ATP1A2: variants seen among roughly 807,000 people sequenced by gnomAD.
ATP1A2 encodes ATPase Na+/K+ transporting subunit alpha 2.
ATP1A2 carries 56 observed loss-of-function variants against 113.1 expected under a neutral mutation model. The observed-to-expected ratio is 0.49, with a 90% confidence interval of 0.40 to 0.62. The LOEUF is 0.62. ATP1A2 is among the 20% of genes least tolerant of loss of function. The pLI is 0.00. For missense variants in ATP1A2, 712 were observed against 1,357.8 expected (o/e 0.52, Z 7.47); for synonymous variants, 490 against 526.8 (o/e 0.93, Z 0.96).
In ATP1A2 at chr1:160,136,741, G is replaced by A. The variant is rs12083034; in HGVS notation, c.2709+26G>A. ...GTGAGTGGTGCTGTGTAAACACAGC[G>A]CACATGTGTGAAGGTACGGGAAGCT... On this transcript the variant is annotated intron_variant, in intron 19 of 22. Transcript: ENST00000361216. 120,208 of 1,614,110 alleles carry A rather than the reference G, an allele frequency of 0.074. 5,303 individuals are homozygous for A. Among genetic ancestry groups the A allele is most frequent in the African/African-American group, 0.18 (13,468 of 75,010 alleles).
chr1:160,121,570 A>G (rs1455700477), intron 3 of ATP1A2, among the ~76,000 whole-genome samples: 4 of 152,228 alleles, frequency 2.6e-5, no homozygotes, highest in Admixed American at 2.6e-4. Context: ...ACAGCCTTCC[A>G]CAGAGCTGAC....
In ATP1A2 at chr1:160,128,759, G is replaced by A. The variant is rs61734526; in HGVS notation, c.1125G>A (p.Lys375=). 5.5e-4 allele frequency: 890 copies of A among 1,614,194 alleles called. 2 individuals are homozygous for A. In the African/African-American group the frequency reaches 0.01, roughly 19 times the overall value. ...CCACGTCCACCATCTGCTCGGACAA[G>A]ACGGGCACCCTCACCCAGAACCGCA... ...LGSTSTICSD[K]TGTLTQNRMT... The change falls in exon 9 of 23, where the codon AAG becomes AAA. Residue 375 remains lysine (K), a synonymous_variant. Transcript: ENST00000361216.
rs1652182991 is a variant in ATP1A2 at position 160,142,494 on chromosome 1, CA to C, written c.*1174del. On this transcript the variant is annotated 3_prime_UTR_variant, in exon 23 of 23. Coordinates refer to ENST00000361216, the MANE Select transcript of ATP1A2 (RefSeq NM_000702.4). ...CATGAACATGGTCAGAACCTTTGGA[CA>C]AGAGGAAAAATACTAAGAGATTTGC... 1 of 152,144 alleles carries C rather than the reference CA, an allele frequency of 6.6e-6. No individual in the cohort carries two copies. Among genetic ancestry groups the C allele is most frequent in the Non-Finnish European group, 1.5e-5 (1 of 68,072 alleles). 9.4% of individuals were successfully genotyped at this position (152,144 alleles called of 1,614,324 possible). A position where few individuals can be genotyped will look rare whatever the true frequency, so the allele number is the denominator to read the frequency against.
intron 11 of ATP1A2, among the ~76,000 whole-genome samples, chr1:160,129,682 G>C (rs1651706840): frequency 6.6e-6 from 1 of 152,094 alleles, no homozygotes; most frequent in East Asian, 1.9e-4. Flanking sequence ...TTCTACCCCA[G>C]TCAGTGAAAC....
chr1:160,123,281 C>T lies in ATP1A2; in HGVS notation c.246C>T (p.Pro82=). The change falls in exon 4 of 23, where the codon CCC becomes CCT. Residue 82 remains proline, a synonymous_variant. Coordinates refer to ENST00000361216, the MANE Select transcript of ATP1A2 (RefSeq NM_000702.4). ...GGCCCAACGCCCTCACACCACCTCC[C>T]ACAACCCCTGAGTGGGTCAAGTTCT... ...RDGPNALTPP[P]TTPEWVKFCR... is the part of the protein sequence containing the mutation. 3.7e-6 allele frequency: 6 copies of T among 1,614,254 alleles called. No individual in the cohort carries two copies. The highest frequency in any genetic ancestry group is 4.2e-6 in the Non-Finnish European group (5 of 1,180,042).
At chr1:160,119,887 T>C (rs1651327268) in intron 1 of ATP1A2, among the ~76,000 whole-genome samples, 1 of 148,166 alleles carries the variant, frequency 6.7e-6, no homozygotes, top group Non-Finnish European at 1.5e-5. Flanking sequence ...CTGAGCGTGG[T>C]GGTGCATGCT....
intron 20 of ATP1A2, among the ~76,000 whole-genome samples, chr1:160,137,941 A>T (rs1045828561): frequency 8.5e-5 from 13 of 152,226 alleles, no homozygotes; most frequent in African/African-American, 3.1e-4. Context: ...AGATTCCAGT[A>T]AGCTAAAAAT....
chr1:160,126,128 G>C (rs1463011053), intron 7 of ATP1A2, among the ~76,000 whole-genome samples: 1 of 152,026 alleles, frequency 6.6e-6, no homozygotes, highest in Non-Finnish European at 1.5e-5. Flanking sequence ...GAATTCCACT[G>C]CTTGGAATCC....
In ATP1A2 at chr1:160,135,696, C is replaced by A; in HGVS notation, c.2284+94C>A. The stretch of plus-strand genomic sequence containing the variant: ...TTACCCCAGTTGAAGAATCATTCCA[C>A]AACTCTAGGCAGCCCAGCCCACTTT... On this transcript the variant is annotated intron_variant, in intron 16 of 22. Coordinates refer to ENST00000361216, the MANE Select transcript of ATP1A2 (RefSeq NM_000702.4). This position sits in a 1 kb window ranked among gnomAD's most constrained non-coding sequence, Gnocchi z 6.3. 4.3e-6 allele frequency: 7 copies of A among 1,610,150 alleles called. No homozygotes were observed. The highest frequency in any genetic ancestry group is 5.9e-6 in the Non-Finnish European group (7 of 1,177,910).
At chr1:160,124,581 G>C in intron 6 of ATP1A2, 151 bp downstream of exon 6, 1 of 1,241,454 alleles carries the variant, frequency 8.1e-7, no homozygotes, top group South Asian at 1.4e-5. Flanking sequence ...TCTCAGTGTG[G>C]GGTGCTTGTG....
chr1:160,132,932 G>A (rs549408687), intron 13 of ATP1A2, among the ~76,000 whole-genome samples: 1 of 152,180 alleles, frequency 6.6e-6, no homozygotes, highest in Non-Finnish European at 1.5e-5. Context: ...AACCAGTGAG[G>A]AGGGGAGAGG....
chr1:160,122,121 G>A (rs1329972307), intron 3 of ATP1A2, among the ~76,000 whole-genome samples: 1 of 152,200 alleles, frequency 6.6e-6, no homozygotes, highest in Non-Finnish European at 1.5e-5. Context: ...GATAGAGTGA[G>A]ACTCCATCTT....
At position 160,143,296 on chromosome 1, in the gene ATP1A2, G is replaced by A. The variant is rs1370514420; in HGVS notation, c.*1974G>A. ...CGATTAATTGGAGATTACTAACTGT[G>A]GACAAAAGTTTATCTTTGCACAATC... On this transcript the variant is annotated 3_prime_UTR_variant, in exon 23 of 23. Transcript: ENST00000361216. The A allele has an allele frequency of 6.6e-6, 1 of 152,330 alleles. No homozygotes were observed. Among genetic ancestry groups the A allele is most frequent in the Non-Finnish European group, 1.5e-5 (1 of 68,036 alleles). The allele number at this position is 152,330 out of a possible 1,614,324, so 9.4% of individuals were successfully genotyped here.
chr1:160,132,616 A>G (rs1374406057), intron 13 of ATP1A2, among the ~76,000 whole-genome samples: 6 of 152,196 alleles, frequency 3.9e-5, no homozygotes, highest in African/African-American at 7.2e-5. Context: ...AGAGGACAAC[A>G]TCTAAGGTAG....
At position 160,138,535 on chromosome 1, in the gene ATP1A2, T is replaced by C. The variant is rs111411822; in HGVS notation, c.2841-1105T>C. Among the ~76,000 whole-genome samples, 521 of 152,206 alleles carry C rather than the reference T, an allele frequency of 3.4e-3. 2 individuals are homozygous for C. The highest frequency in any genetic ancestry group is 0.031 in the Middle Eastern group (9 of 294). ...TGGCTTGAACCAAAAAGAGGTACCT[T>C]GTGTAAGAATACAAAAGATGGAGTA... On this transcript the variant is annotated intron_variant, in intron 20 of 22. Coordinates refer to ENST00000361216, the MANE Select transcript of ATP1A2 (RefSeq NM_000702.4).
chr1:160,134,708 G>A (rs1460274663), intron 14 of ATP1A2, 88 bp downstream of exon 14: 3 of 1,591,460 alleles, frequency 1.9e-6, no homozygotes, highest in Admixed American at 3.4e-5. Flanking sequence ...TATTTGGATA[G>A]CATTTCTGGG....
chr1:160,127,304 A>G (rs1651615499), intron 7 of ATP1A2, among the ~76,000 whole-genome samples: 1 of 152,224 alleles, frequency 6.6e-6, no homozygotes, highest in South Asian at 2.1e-4. Flanking sequence ...TTGAACTTTG[A>G]GATTATTTGC....
intron 8 of ATP1A2, 158 bp from the exon 9 acceptor site, chr1:160,128,494 A>G (rs1466203266): frequency 1.3e-6 from 2 of 1,538,190 alleles, no homozygotes; most frequent in Non-Finnish European, 1.7e-6. Context: ...ATCTCAACAC[A>G]TCTAAAATTG....
At chr1:160,120,264 T>G (rs530079103) in intron 1 of ATP1A2, among the ~76,000 whole-genome samples, 1 of 152,142 alleles carries the variant, frequency 6.6e-6, no homozygotes, top group East Asian at 1.9e-4. Context: ...ACCCCATGTC[T>G]CCACTTCCTG....
Sources: allele counts gnomAD v4.1 joint callset (sites outside exome capture counted in the v4.1 genomes callset), GRCh38; gene constraint gnomAD v4.1.1; non-coding constraint Gnocchi (gnomAD v3.1); transcripts MANE v1.5; gene names NCBI Gene and HGNC (gene_info 2026-07-23, HGNC 2026-07-21).